The following LRP8 variants were observed in gnomAD, a reference collection of about 807,000 sequenced individuals.
LRP8 encodes LDL receptor related protein 8.
Under a neutral mutation model 111.6 loss-of-function variants are expected in LRP8, and 46 were observed. The ratio of observed to expected loss-of-function variants is 0.41; its 90% CI spans 0.33 to 0.53. LRP8 has a LOEUF of 0.53. Among genes scored for constraint, LRP8 ranks in the 20% least tolerant of loss-of-function variants. LRP8 has a pLI of 0.20. For missense variants in LRP8, 959 were observed against 1,297.4 expected (o/e 0.74, Z 4.01); for synonymous variants, 464 against 511.2 (o/e 0.91, Z 1.24).
chr1:53,305,000 G>A (rs1013645204), intron 2 of LRP8: 1 of 152,280 alleles, frequency 6.6e-6, no homozygotes, highest in African/African-American at 2.4e-5. Context: ...ACTACAGCTT[G>A]AAGAGGAAGC....
chr1:53,263,512 C>G (rs1646425977), intron 10 of LRP8, among the ~76,000 whole-genome samples: 1 of 152,202 alleles, frequency 6.6e-6, no homozygotes, highest in African/African-American at 2.4e-5. Context: ...GAGTCCTGTT[C>G]TGTTCAGAAT....
intron 2 of LRP8, among the ~76,000 whole-genome samples, chr1:53,316,937 C>T (rs542416009): frequency 1.3e-5 from 2 of 152,166 alleles, no homozygotes; most frequent in South Asian, 2.1e-4. Context: ...GGTGGGGAGG[C>T]GGGGAGCTCT....
At chr1:53,297,985 G>A (rs758530927) in intron 2 of LRP8, among the ~76,000 whole-genome samples, 1 of 152,158 alleles carries the variant, frequency 6.6e-6, no homozygotes, top group Non-Finnish European at 1.5e-5. Context: ...CCCATTCTGG[G>A]CCTCAGTTTC....
intron 2 of LRP8, among the ~76,000 whole-genome samples, chr1:53,291,313 C>T (rs1648722942): frequency 6.6e-6 from 1 of 152,100 alleles, no homozygotes; most frequent in Non-Finnish European, 1.5e-5. Context: ...CCAAAGTCCT[C>T]CCCTGGAATG....
chr1:53,281,792 G>A (rs1364234772), intron 3 of LRP8, among the ~76,000 whole-genome samples: 3 of 152,176 alleles, frequency 2.0e-5, no homozygotes, highest in Non-Finnish European at 4.4e-5. Flanking sequence ...TGTCTGTAAA[G>A]CAAGCACCTA....
At chr1:53,291,902 G>A (rs573108086) in intron 2 of LRP8, 2 of 152,328 alleles carry the variant, frequency 1.3e-5, no homozygotes, top group South Asian at 4.2e-4. Context: ...AACATGGTTT[G>A]CTTTCTTCCC....
At chr1:53,319,618 G>T (rs1374067561) in intron 2 of LRP8, among the ~76,000 whole-genome samples, 1 of 152,218 alleles carries the variant, frequency 6.6e-6, no homozygotes, top group Non-Finnish European at 1.5e-5. Flanking sequence ...TACAGTCAGT[G>T]AGGAACTCGG....
rs1392858314 is a variant in LRP8 at position 53,246,567 on chromosome 1, T to G, written c.*451A>C. 2.0e-5 allele frequency: 3 copies of G among 151,684 alleles called. No individual in the cohort carries two copies. Among genetic ancestry groups the G allele is most frequent in the Non-Finnish European group, 4.4e-5 (3 of 68,052 alleles). The allele number at this position is 151,684 out of a possible 1,614,324, so 9.4% of individuals were successfully genotyped here. On this transcript the variant is annotated 3_prime_UTR_variant, in exon 19 of 19. Transcript: ENST00000306052. ...AGTTGAAGTGTTTTTTTTTTTTTTT[T>G]ACTTATGTTGATGGATAGCCACAAA...
Position 53,258,458 on chromosome 1 carries a change from A to G in LRP8, c.2070T>C (p.Cys690=). 1 of 1,611,502 alleles carries G rather than the reference A, an allele frequency of 6.2e-7. No individual in the cohort carries two copies. Among genetic ancestry groups the G allele is most frequent in the Non-Finnish European group, 8.5e-7 (1 of 1,177,760 alleles). ...ELKQPRAPDA[C]ELSVQPNGGC... The stretch of plus-strand genomic sequence containing the variant: ...CTCCATTAGGCTGGACACTCAGCTC[A>G]CAGGCATCTGGAGCTAATGGCAGAG... The change falls in exon 14 of 19, where the codon TGT becomes TGC. Residue 690 remains cysteine, a synonymous_variant. Transcript: ENST00000306052.
At chr1:53,269,541 C>T (rs1477923346) in intron 8 of LRP8, among the ~76,000 whole-genome samples, 1 of 152,058 alleles carries the variant, frequency 6.6e-6, no homozygotes, top group Non-Finnish European at 1.5e-5. Flanking sequence ...TCTTGAACTC[C>T]TGGCCTCAAG....
chr1:53,306,188 G>A (rs115038483), intron 2 of LRP8: 4,264 of 152,410 alleles, frequency 0.028, 260 homozygotes, highest in Admixed American at 0.15. Context: ...GGCATCGCAT[G>A]CAGGCAATCT....
intron 2 of LRP8, among the ~76,000 whole-genome samples, chr1:53,295,172 G>A (rs1290173571): frequency 6.6e-6 from 1 of 152,222 alleles, no homozygotes; most frequent in Admixed American, 6.5e-5. Flanking sequence ...CCTGGCCCAG[G>A]GGTCAGGGAA....
chr1:53,264,859 G>A (rs1238226286), intron 9 of LRP8, among the ~76,000 whole-genome samples: 1 of 152,184 alleles, frequency 6.6e-6, no homozygotes, highest in Admixed American at 6.5e-5. Flanking sequence ...GAGATACTTA[G>A]GGGAGCTGCT....
chr1:53,260,523 G>A lies in LRP8; in HGVS notation c.1997C>T (p.Ala666Val). Residue 666 changes from alanine to valine, a missense_variant, in exon 13 of 19, where the codon GCT becomes GTT. Physicochemically the swap from Ala to Val is moderately conservative, Grantham distance 64. This residue lies in a region of LRP8 where 819 missense variants were observed against 1,097.6 expected (regional missense o/e 0.75). Coordinates refer to ENST00000306052, the MANE Select transcript of LRP8 (RefSeq NM_004631.5). ...RLNGLEISIL[A>V]ENLNNPHDIV... ...GTCATGTGGGTTGTTGAGGTTCTCAGCCAGGATGGAGATTTCCAGGCCATT... is the reference window on the plus strand; with the variant it reads ...GTCATGTGGGTTGTTGAGGTTCTCAACCAGGATGGAGATTTCCAGGCCATT... The A allele has an allele frequency of 6.2e-7, 1 of 1,614,184 alleles. No homozygotes were observed. Among genetic ancestry groups the A allele is most frequent in the Non-Finnish European group, 8.5e-7 (1 of 1,180,030 alleles).
intron 18 of LRP8, among the ~76,000 whole-genome samples, chr1:53,247,745 T>C (rs185362446): frequency 1.3e-5 from 2 of 152,364 alleles, no homozygotes; most frequent in African/African-American, 4.8e-5. Flanking sequence ...TCTTCTGACA[T>C]TCCCTGATTC....
Position 53,280,657 on chromosome 1 carries a change from T to A in LRP8, c.426A>T (p.Val142=). The change falls in exon 4 of 19, where the codon GTA becomes GTT. Residue 142 remains valine (V), a synonymous_variant. Transcript: ENST00000306052. ...CCCCGTCGCAGCGCCACGAGGCAGG[T>A]ACACACTTGTGGCTGGTGGGTCCAC... is the stretch of plus-strand genomic sequence containing the variant. ...LSCGPTSHKC[V]PASWRCDGEK... The A allele has an allele frequency of 1.9e-6, 3 of 1,613,518 alleles. No homozygotes were observed. The highest frequency in any genetic ancestry group is 2.5e-6 in the Non-Finnish European group (3 of 1,180,030).
At chr1:53,313,393 GTGCACACTCGGAGCCCAGA>G (rs1470874611) in intron 2 of LRP8, among the ~76,000 whole-genome samples, 1 of 123,744 alleles carries the variant, frequency 8.1e-6, no homozygotes, top group African/African-American at 3.0e-5. Context: ...CAGGGGCACA[GTGCACACTCGGAGCCCAGA>G]GGCACCCTCC....
chr1:53,245,033 T>G lies in LRP8; in HGVS notation c.*1985A>C, dbSNP rs917641625. On this transcript the variant is annotated 3_prime_UTR_variant, in exon 19 of 19. Coordinates refer to ENST00000306052, the MANE Select transcript of LRP8 (RefSeq NM_004631.5). ...GCATGTCATGAGGAGATTGCTGGATTATGCAAAACACACTGCCCAAGCTCC... is the reference window on the plus strand; with the variant it reads ...GCATGTCATGAGGAGATTGCTGGATGATGCAAAACACACTGCCCAAGCTCC... 1 of 152,204 alleles carries G rather than the reference T, an allele frequency of 6.6e-6. No individual in the cohort carries two copies. The highest frequency in any genetic ancestry group is 2.4e-5 in the African/African-American group (1 of 41,452). 9.4% of individuals were successfully genotyped at this position (152,204 alleles called of 1,614,324 possible).
rs185324855 is a variant in LRP8 at position 53,270,911 on chromosome 1, A to G, written c.1252+117T>C. On this transcript the variant is annotated intron_variant, in intron 8 of 18. Coordinates refer to ENST00000306052, the MANE Select transcript of LRP8 (RefSeq NM_004631.5). ...ACCGAGGATTCCCGTACCTCTCAGTAACACAACCTGCCTTCTTGTGTGTGC... is the reference window on the plus strand; with the variant it reads ...ACCGAGGATTCCCGTACCTCTCAGTGACACAACCTGCCTTCTTGTGTGTGC... The G allele has an allele frequency of 5.8e-5, 85 of 1,470,294 alleles. No individual in the cohort carries two copies. The African/African-American group carries it at 1.1e-3, about 19-fold the overall frequency. The allele number at this position is 1,470,294 out of a possible 1,614,324, so 91.1% of individuals were successfully genotyped here. A position where few individuals can be genotyped will look rare whatever the true frequency, so the allele number is the denominator to read the frequency against.
Sources: allele counts gnomAD v4.1 joint callset (sites outside exome capture counted in the v4.1 genomes callset), GRCh38; gene constraint gnomAD v4.1.1; regional missense constraint gnomAD v4.1.1; transcripts MANE v1.5; gene names NCBI Gene and HGNC (gene_info 2026-07-23, HGNC 2026-07-21).